The following HMCN1 variants were observed in gnomAD, a reference collection of about 807,000 sequenced individuals.
HMCN1 encodes the protein hemicentin 1.
HMCN1 carries 321 observed loss-of-function variants against 625.9 expected under a neutral mutation model. The observed-to-expected ratio is 0.51, with a 90% CI of 0.47 to 0.56. The LOEUF is 0.56. Ranked by LOEUF, HMCN1 falls within the 20% of genes least tolerant of loss-of-function variation. The pLI is 0.00. For synonymous variants in HMCN1, 2,425 were observed against 2,417.6 expected (o/e 1.00, Z -0.09); for missense variants, 6,588 against 6,887.3 (o/e 0.96, Z 1.54).
intron 36 of HMCN1, among the ~76,000 whole-genome samples, chr1:186,023,886 G>C (rs1484957590): frequency 2.0e-5 from 3 of 152,060 alleles, no homozygotes; most frequent in Non-Finnish European, 2.9e-5. Context: ...CTAGCACCTA[G>C]CTTAATTCCA....
intron 62 of HMCN1, 61 bp from the exon 63 acceptor site, chr1:186,088,545 T>G: frequency 6.4e-7 from 1 of 1,553,516 alleles, no homozygotes; most frequent in Non-Finnish European, 8.8e-7. Flanking sequence ...ATCATGAATT[T>G]TAGAGATGTT....
intron 36 of HMCN1, among the ~76,000 whole-genome samples, chr1:186,030,331 G>A (rs1655338957): frequency 6.6e-6 from 1 of 151,984 alleles, no homozygotes. Flanking sequence ...TTCTCCCTTT[G>A]AGTTTGTCAA....
At chr1:185,961,516 T>A (rs562482055) in intron 11 of HMCN1, among the ~76,000 whole-genome samples, 1 of 152,336 alleles carries the variant, frequency 6.6e-6, no homozygotes, top group South Asian at 2.1e-4. Flanking sequence ...TCATGAAAGC[T>A]GTCTGTTTCA....
In HMCN1 at chr1:186,117,443, G is replaced by A; in HGVS notation, c.11684-16G>A. On this transcript the variant is annotated splice_polypyrimidine_tract_variant and intron_variant, in intron 76 of 106. Coordinates refer to ENST00000271588, the MANE Select transcript of HMCN1 (RefSeq NM_031935.3). The stretch of plus-strand genomic sequence containing the variant: ...ATGTGTAGTTTTTTCCCTTTTTGTT[G>A]TTGTTGTTGTTTTAGTTCCACCTTC... The A allele has an allele frequency of 6.2e-7, 1 of 1,612,438 alleles. No individual in the cohort carries two copies. The highest frequency in any genetic ancestry group is 8.5e-7 in the Non-Finnish European group (1 of 1,178,996).
intron 15 of HMCN1, among the ~76,000 whole-genome samples, chr1:185,972,696 G>T (rs535157189): frequency 6.6e-6 from 1 of 151,986 alleles, no homozygotes; most frequent in East Asian, 1.9e-4. Flanking sequence ...TTCCATATTC[G>T]CTGTTAGATC....
At chr1:185,746,549 C>T (rs1654412995) in intron 1 of HMCN1, among the ~76,000 whole-genome samples, 1 of 151,486 alleles carries the variant, frequency 6.6e-6, no homozygotes, top group South Asian at 2.1e-4. Context: ...ACCCTAATCT[C>T]TGCCTTTGTC....
chr1:186,163,170 T>TG (rs1651631826), intron 97 of HMCN1, among the ~76,000 whole-genome samples: 7 of 152,184 alleles, frequency 4.6e-5, no homozygotes, highest in Non-Finnish European at 1.5e-5. Flanking sequence ...ACTGCTGTGC[T>TG]AGCAATCAGC....
intron 95 of HMCN1, 71 bp downstream of exon 95, chr1:186,151,814 A>G: frequency 6.9e-7 from 1 of 1,447,444 alleles, no homozygotes; most frequent in African/African-American, 1.4e-5. Flanking sequence ...TAAGAAAAAT[A>G]CGTGTTCCCA....
rs1035983148 is a variant in HMCN1 at position 185,914,294 on chromosome 1, C to T, written c.900+2514C>T. ...ATGAATGATAAATGTTTTACATGTG[C>T]ACTTTCTCAAGATGAGAAATGTCTG... On this transcript the variant is annotated intron_variant, in intron 6 of 106. Transcript: ENST00000271588. Among the ~76,000 whole-genome samples the T allele has an allele frequency of 3.3e-5, 5 of 152,082 alleles. No homozygotes were observed. The South Asian group carries it at 8.3e-4, about 25-fold the overall frequency.
intron 54 of HMCN1, among the ~76,000 whole-genome samples, chr1:186,077,074 A>G (rs1658867453): frequency 6.6e-6 from 1 of 152,202 alleles, no homozygotes; most frequent in Non-Finnish European, 1.5e-5. Context: ...AAAGATGTTT[A>G]AACTGTTATG....
At position 185,805,977 on chromosome 1, in the gene HMCN1, A is replaced by G. The variant is rs114301090; in HGVS notation, c.269-40049A>G. 9.0e-3 allele frequency among the ~76,000 whole-genome samples: 1,364 copies of G among 152,198 alleles called. 28 individuals are homozygous for G. The highest frequency in any genetic ancestry group is 0.032 in the African/African-American group (1,318 of 41,534). On this transcript the variant is annotated intron_variant, in intron 1 of 106. Transcript: ENST00000271588. Reference sequence around the variant, plus strand: ...AAAAGATCCTATCATTTTTATTCCTAGGGAAAATATTCCCCATTGTGGAAG... The same window carrying G: ...AAAAGATCCTATCATTTTTATTCCTGGGGAAAATATTCCCCATTGTGGAAG...
At chr1:186,113,757 G>T (rs559887905) in intron 72 of HMCN1, among the ~76,000 whole-genome samples, 1 of 152,216 alleles carries the variant, frequency 6.6e-6, no homozygotes, top group South Asian at 2.1e-4. Context: ...CCATATTAGG[G>T]ATTTAAAATT....
intron 1 of HMCN1, among the ~76,000 whole-genome samples, chr1:185,830,196 T>C (rs567642403): frequency 1.0e-3 from 158 of 152,314 alleles, no homozygotes; most frequent in African/African-American, 3.7e-3. Context: ...ATTCTGTAGA[T>C]TACCTGTTCA....
chr1:185,987,123 G>C (rs1652051212), intron 19 of HMCN1, among the ~76,000 whole-genome samples: 1 of 150,692 alleles, frequency 6.6e-6, no homozygotes, highest in Non-Finnish European at 1.5e-5. Flanking sequence ...ATTCTGTCTT[G>C]GGTTTCCAGC....
intron 1 of HMCN1, among the ~76,000 whole-genome samples, chr1:185,842,135 A>G (rs1296153189): frequency 2.0e-5 from 3 of 152,230 alleles, no homozygotes; most frequent in East Asian, 3.9e-4. Flanking sequence ...ACATAGTACT[A>G]TAGTTGTGTA....
rs2102362098 is a variant in HMCN1 at position 186,076,593 on chromosome 1, C to T, written c.8456C>T (p.Thr2819Ile). 6.2e-7 allele frequency: 1 copy of T among 1,613,738 alleles called. No individual in the cohort carries two copies. Among genetic ancestry groups the T allele is most frequent in the African/African-American group, 1.3e-5 (1 of 75,048 alleles). ...TGGTACAAAGATGGCCACCCTCTGA[C>T]CTCAAGTGATAAAGTATTGATTTTG... ...LTWYKDGHPLTSSDKVLILPG... is the reference protein window; with the variant it reads ...LTWYKDGHPLISSDKVLILPG... Residue 2819 changes from threonine to isoleucine, a missense_variant, in exon 54 of 107, where the codon ACC (threonine) becomes ATC (isoleucine). Physicochemically the swap from Thr to Ile is moderately conservative, Grantham distance 89 (BLOSUM62 -1). This residue lies in a region of HMCN1 where 4,628 missense variants were observed against 4,853.1 expected (regional missense o/e 0.95). Coordinates refer to ENST00000271588, the MANE Select transcript of HMCN1 (RefSeq NM_031935.3).
chr1:185,740,170 G>T (rs1053112708), intron 1 of HMCN1, among the ~76,000 whole-genome samples: 2 of 152,128 alleles, frequency 1.3e-5, no homozygotes, highest in Non-Finnish European at 2.9e-5. Context: ...GAGTGAGATG[G>T]GTTGGCATTT....
intron 3 of HMCN1, among the ~76,000 whole-genome samples, chr1:185,865,518 A>G (rs1375571855): frequency 1.3e-5 from 2 of 151,212 alleles, no homozygotes. Flanking sequence ...CTAAAATATA[A>G]ATCACCATGT....
chr1:186,114,937 C>G lies in HMCN1; in HGVS notation c.11395C>G (p.Gln3799Glu). 1 of 1,614,132 alleles carries G rather than the reference C, an allele frequency of 6.2e-7. No individual in the cohort carries two copies. Among genetic ancestry groups the G allele is most frequent in the Middle Eastern group, 1.6e-4 (1 of 6,062 alleles). ...AGTDRRRIDL[Q>E]VHVPPSIAPG... ...AACAGATCGCAGGCGAATAGATTTA[C>G]AGGTCCATGGTAAATATCCGTTTAT... The change falls in exon 74 of 107, where the codon CAG (glutamine) becomes GAG (glutamate). Residue 3799 changes from glutamine to glutamate, a missense_variant. Coordinates refer to ENST00000271588, the MANE Select transcript of HMCN1 (RefSeq NM_031935.3).
Sources: gnomAD v4.1 joint callset for allele counts (sites outside exome capture counted in the v4.1 genomes callset) on GRCh38, gnomAD v4.1.1 for gene constraint, gnomAD v4.1.1 regional missense constraint, MANE v1.5 for transcripts, NCBI Gene and HGNC (gene_info 2026-07-23, HGNC 2026-07-21) for gene names.